RGS22: variants seen among roughly 807,000 people sequenced by gnomAD.
RGS22 encodes regulator of G protein signaling 22.
A neutral mutation model predicts 172.9 loss-of-function variants in RGS22; 148 were observed. The observed-to-expected ratio is 0.86, with a 90% CI of 0.75 to 0.98. The LOEUF (loss-of-function observed/expected upper bound fraction) is 0.98. Ranked by LOEUF, RGS22 falls within the 50% of genes least tolerant of loss-of-function variation. The pLI, the probability that RGS22 is intolerant of heterozygous loss-of-function variation, is 0.00. For missense variants in RGS22, 1,347 were observed against 1,440.8 expected (o/e 0.93, Z 1.05); for synonymous variants, 458 against 480.2 (o/e 0.95, Z 0.60).
At chr8:100,039,095 A>G (rs1819823292) in intron 13 of RGS22, 63 bp from the exon 14 acceptor site, 2 of 854,914 alleles carry the variant, frequency 2.3e-6, no homozygotes, top group Admixed American at 2.4e-5. Context: ...ACAAAGCTCT[A>G]ATTTCAAATA....
At chr8:99,963,109 C>T in intron 24 of RGS22, 131 bp from the exon 25 acceptor site, 1 of 674,754 alleles carries the variant, frequency 1.5e-6, no homozygotes, top group African/African-American at 1.9e-5. Context: ...GAAAAGTGCA[C>T]ATCACAAGTT....
rs561886960 is a variant in RGS22 at position 100,079,328 on chromosome 8, A to T, written c.339+806T>A. On this transcript the variant is annotated intron_variant, in intron 4 of 27. Coordinates refer to ENST00000360863, the MANE Select transcript of RGS22 (RefSeq NM_015668.5). The stretch of plus-strand genomic sequence containing the variant: ...TTAGTTTGATGAAAGTTAAAGATAG[A>T]AACTATTAGCATTTAGTTTGATGAA... Among the ~76,000 whole-genome samples the T allele has an allele frequency of 1.5e-3, 225 of 152,338 alleles. 1 individual carries two copies. The highest frequency in any genetic ancestry group is 2.7e-3 in the Non-Finnish European group (184 of 68,022).
chr8:99,983,247 T>C (rs1812737292), intron 21 of RGS22, among the ~76,000 whole-genome samples: 1 of 152,226 alleles, frequency 6.6e-6, no homozygotes, highest in South Asian at 2.1e-4. Context: ...CTATTGTGAA[T>C]AGTGCAGTGA....
chr8:99,961,350 C>T (rs1389750480), intron 27 of RGS22, among the ~76,000 whole-genome samples, 154 bp from the exon 28 acceptor site: 2 of 152,172 alleles, frequency 1.3e-5, no homozygotes, highest in Non-Finnish European at 1.5e-5. Context: ...CCATAATTCC[C>T]ACATGTCATG....
Position 100,062,578 on chromosome 8 carries a change from C to G in RGS22, c.1514+13G>C, listed in dbSNP as rs959566473. 6.5e-7 allele frequency: 1 copy of G among 1,544,890 alleles called. No homozygotes were observed. Among genetic ancestry groups the G allele is most frequent in the Non-Finnish European group, 8.9e-7 (1 of 1,129,900 alleles). ...GGAAAGTGAAAGTAAGTAACTGATT[C>G]ATGTTTTCTTACCAATACAGAAGTA... is the stretch of plus-strand genomic sequence containing the variant. On this transcript the variant is annotated intron_variant, in intron 9 of 27. Coordinates refer to ENST00000360863, the MANE Select transcript of RGS22 (RefSeq NM_015668.5).
intron 11 of RGS22, among the ~76,000 whole-genome samples, chr8:100,045,984 G>C (rs1820676638): frequency 6.6e-6 from 1 of 151,788 alleles, no homozygotes; most frequent in Admixed American, 6.6e-5. Flanking sequence ...TAAAATGAAA[G>C]AAGCAGACAT....
chr8:100,093,458 G>A lies in RGS22; in HGVS notation c.106C>T (p.Leu36=). ...AATAATAAACTCACTGGAAGGCTTAGGAATTCATTAAAGTAGTCTACAAGG... is the reference window on the plus strand; with the variant it reads ...AATAATAAACTCACTGGAAGGCTTAAGAATTCATTAAAGTAGTCTACAAGG... The part of the protein sequence containing the change: ...DFLVDYFNEF[L]SLPTFSEAIR... Residue 36 remains leucine (L), a synonymous_variant, in exon 3 of 28, where the codon CTA becomes TTA. Coordinates refer to ENST00000360863, the MANE Select transcript of RGS22 (RefSeq NM_015668.5). 1 of 1,583,972 alleles carries A rather than the reference G, an allele frequency of 6.3e-7. No individual in the cohort carries two copies. The highest frequency in any genetic ancestry group is 8.6e-7 in the Non-Finnish European group (1 of 1,159,840).
intron 2 of RGS22, among the ~76,000 whole-genome samples, chr8:100,098,326 T>A (rs972139899): frequency 4.6e-5 from 7 of 152,122 alleles, no homozygotes; most frequent in Non-Finnish European, 1.0e-4. Context: ...CTAATAACTT[T>A]AAAAAGACTC....
At chr8:100,044,898 T>A (rs1820552917) in intron 11 of RGS22, among the ~76,000 whole-genome samples, 1 of 152,152 alleles carries the variant, frequency 6.6e-6, no homozygotes. Flanking sequence ...CTAATGTAGT[T>A]TTACATTTTT....
intron 19 of RGS22, among the ~76,000 whole-genome samples, chr8:99,997,557 A>G (rs1402034731): frequency 1.3e-5 from 2 of 152,190 alleles, no homozygotes; most frequent in East Asian, 3.8e-4. Flanking sequence ...ATGACTAAGG[A>G]TATTTCCAAA....
At chr8:99,998,526 G>T (rs1185854933) in intron 19 of RGS22, among the ~76,000 whole-genome samples, 1 of 152,104 alleles carries the variant, frequency 6.6e-6, no homozygotes, top group East Asian at 1.9e-4. Context: ...CACTATGATT[G>T]TGCTTGTGAA....
At chr8:100,083,835 T>C (rs1048244910) in intron 3 of RGS22, among the ~76,000 whole-genome samples, 2 of 150,142 alleles carry the variant, frequency 1.3e-5, no homozygotes, top group Non-Finnish European at 3.0e-5. Flanking sequence ...CTTTTCTTTT[T>C]TTTTTTTTTT....
intron 2 of RGS22, among the ~76,000 whole-genome samples, chr8:100,103,935 T>G (rs1161975409): frequency 6.6e-6 from 1 of 152,086 alleles, no homozygotes; most frequent in Non-Finnish European, 1.5e-5. Flanking sequence ...TGGGAAAAGA[T>G]TTGCTGGCTT....
At chr8:100,001,038 A>T (rs1227735441) in intron 18 of RGS22, among the ~76,000 whole-genome samples, 1 of 151,674 alleles carries the variant, frequency 6.6e-6, no homozygotes, top group Non-Finnish European at 1.5e-5. Flanking sequence ...CAAACAAAAA[A>T]AAATGATAAA....
intron 9 of RGS22, among the ~76,000 whole-genome samples, chr8:100,057,424 CA>C (rs1474084628): frequency 2.0e-5 from 3 of 152,036 alleles, no homozygotes; most frequent in Non-Finnish European, 2.9e-5. Flanking sequence ...TGGGAGGGGC[CA>C]GGGGAGGAAT....
intron 14 of RGS22, among the ~76,000 whole-genome samples, chr8:100,037,606 T>A (rs991080448): frequency 3.3e-5 from 5 of 152,134 alleles, no homozygotes; most frequent in African/African-American, 1.2e-4. Flanking sequence ...CAAATAGAAT[T>A]TCCTCTTTTA....
intron 23 of RGS22, 110 bp from the exon 24 acceptor site, chr8:99,965,540 G>T: frequency 1.4e-6 from 1 of 735,688 alleles, no homozygotes; most frequent in Non-Finnish European, 2.2e-6. Context: ...CATAGTGAGT[G>T]CTGCACTTAA....
chr8:100,071,413 C>T lies in RGS22; in HGVS notation c.550G>A (p.Asp184Asn). 6.2e-7 allele frequency: 1 copy of T among 1,612,410 alleles called. No homozygotes were observed. The highest frequency in any genetic ancestry group is 8.5e-7 in the Non-Finnish European group (1 of 1,179,118). ...AACTTTTTCATAATTACAAGATTAT[C>T]TTCTTCAGTGGCAGGAGGTGGTAGA... Reference protein sequence around the residue: ...PSLPPPATEEDNLVIMKKFYV... With the variant: ...PSLPPPATEENNLVIMKKFYV... The change falls in exon 6 of 28, where the codon GAT becomes AAT. Residue 184 changes from aspartate (D) to asparagine (N), a missense_variant. Transcript: ENST00000360863.
At chr8:100,097,164 C>T (rs138076258) in intron 2 of RGS22, among the ~76,000 whole-genome samples, 81 of 152,026 alleles carry the variant, frequency 5.3e-4, no homozygotes, top group African/African-American at 1.5e-3. Flanking sequence ...GGAATGGGGG[C>T]GAGAATCAAC....
Sources: gnomAD v4.1 joint callset for allele counts (sites outside exome capture counted in the v4.1 genomes callset) on GRCh38, gnomAD v4.1.1 for gene constraint, MANE v1.5 for transcripts, NCBI Gene and HGNC (gene_info 2026-07-23, HGNC 2026-07-21) for gene names.